GABRG3: variants seen among roughly 807,000 people sequenced by gnomAD.
GABRG3 encodes the protein gamma-aminobutyric acid type A receptor subunit gamma3.
GABRG3 carries 25 observed loss-of-function variants against 48.8 expected under a neutral mutation model. The observed-to-expected ratio is 0.51, with a 90% CI of 0.37 to 0.72. GABRG3 has a LOEUF of 0.72. GABRG3 is among the 30% of genes least tolerant of loss of function. GABRG3 has a pLI of 0.00. For missense variants in GABRG3, 394 were observed against 577.9 expected (o/e 0.68, Z 3.26); for synonymous variants, 227 against 217.6 (o/e 1.04, Z -0.38).
chr15:27,065,907 G>C (rs1003950103), intron 3 of GABRG3, among the ~76,000 whole-genome samples: 5 of 152,198 alleles, frequency 3.3e-5, no homozygotes, highest in African/African-American at 1.2e-4. Flanking sequence ...TCCAAACAGA[G>C]AAAATCCTGG....
intron 5 of GABRG3, among the ~76,000 whole-genome samples, chr15:27,449,860 A>G (rs1889056930): frequency 6.6e-6 from 1 of 152,228 alleles, no homozygotes; most frequent in African/African-American, 2.4e-5. Flanking sequence ...GTGTTCTCAA[A>G]TGCTTGCTGC....
chr15:27,501,930 A>G (rs930398269), intron 6 of GABRG3, among the ~76,000 whole-genome samples: 10 of 152,146 alleles, frequency 6.6e-5, no homozygotes, highest in African/African-American at 2.4e-4. Context: ...TTCCTTCCCC[A>G]TGAGTCTTGC....
chr15:27,366,060 A>G (rs1478495929), intron 5 of GABRG3: 2 of 152,198 alleles, frequency 1.3e-5, no homozygotes, highest in Non-Finnish European at 2.9e-5. Flanking sequence ...AAAACTTGCA[A>G]CATGAAGTGG....
intron 5 of GABRG3, chr15:27,362,391 G>A (rs1895054340): frequency 6.6e-6 from 1 of 152,292 alleles, no homozygotes; most frequent in Admixed American, 6.5e-5. Context: ...AGATTTGTCT[G>A]GGAGGTTCAG....
At chr15:27,023,139 T>C (rs1895926974) in intron 2 of GABRG3, among the ~76,000 whole-genome samples, 1 of 152,218 alleles carries the variant, frequency 6.6e-6, no homozygotes, top group Non-Finnish European at 1.5e-5. Context: ...ACCGAATGTA[T>C]GGGACTCAGT....
intron 5 of GABRG3, among the ~76,000 whole-genome samples, chr15:27,330,853 G>A (rs767735488): frequency 2.0e-5 from 3 of 152,134 alleles, no homozygotes; most frequent in Admixed American, 1.3e-4. Context: ...CTGGTGTGTC[G>A]TGGTAGTGAT....
intron 6 of GABRG3, among the ~76,000 whole-genome samples, chr15:27,500,914 C>T (rs186400149): frequency 1.7e-3 from 257 of 148,370 alleles, no homozygotes; most frequent in African/African-American, 5.2e-3. Context: ...TAGATTTAGC[C>T]TGGGGAGGCT....
intron 5 of GABRG3, among the ~76,000 whole-genome samples, chr15:27,416,617 C>T (rs899338511): frequency 3.9e-5 from 6 of 152,106 alleles, no homozygotes; most frequent in Non-Finnish European, 7.3e-5. Flanking sequence ...CGGTTGAGTC[C>T]CCCTGGAGTT....
At chr15:27,446,864 G>C (rs1280590011) in intron 5 of GABRG3, among the ~76,000 whole-genome samples, 1 of 152,060 alleles carries the variant, frequency 6.6e-6, no homozygotes, top group Non-Finnish European at 1.5e-5. Context: ...TAGAAATATG[G>C]CATTCTGTGA....
At chr15:27,520,893 T>A (rs372827635) in intron 7 of GABRG3, among the ~76,000 whole-genome samples, 3 of 148,388 alleles carry the variant, frequency 2.0e-5, no homozygotes, top group African/African-American at 7.5e-5. Flanking sequence ...GTTTTTTTTT[T>A]ATTTGTTTGT....
chr15:27,214,654 C>T (rs1889182874), intron 3 of GABRG3, among the ~76,000 whole-genome samples: 1 of 151,268 alleles, frequency 6.6e-6, no homozygotes, highest in Non-Finnish European at 1.5e-5. Context: ...AATTTCTAAA[C>T]AAATTTAGCC....
intron 3 of GABRG3, among the ~76,000 whole-genome samples, chr15:27,268,147 C>T (rs1379355064): frequency 1.3e-5 from 2 of 152,138 alleles, no homozygotes; most frequent in Admixed American, 6.5e-5. Flanking sequence ...AGTACATTCA[C>T]TAGTGAAGTC....
chr15:27,365,571 G>T (rs925203935), intron 5 of GABRG3: 1 of 152,188 alleles, frequency 6.6e-6, no homozygotes, highest in African/African-American at 2.4e-5. Context: ...CACCCCAGAG[G>T]AGAGGTTGGC....
At chr15:27,323,711 A>G (rs1359977793) in intron 3 of GABRG3, among the ~76,000 whole-genome samples, 1 of 151,996 alleles carries the variant, frequency 6.6e-6, no homozygotes, top group Non-Finnish European at 1.5e-5. Flanking sequence ...TCTACACCTC[A>G]CTGAGGTCTT....
At chr15:27,004,231 T>A (rs56131971) in intron 2 of GABRG3, among the ~76,000 whole-genome samples, 3 of 148,006 alleles carry the variant, frequency 2.0e-5, no homozygotes, top group African/African-American at 7.5e-5. Context: ...ACTTCTCAGA[T>A]GGGGCAGTTG....
chr15:27,049,180 C>G (rs1029121592), intron 3 of GABRG3, among the ~76,000 whole-genome samples: 2 of 152,206 alleles, frequency 1.3e-5, no homozygotes, highest in Non-Finnish European at 1.5e-5. Context: ...ATGTGCGTAA[C>G]CGTTTTTGAT....
At chr15:27,023,689 A>T (rs1895937116) in intron 2 of GABRG3, among the ~76,000 whole-genome samples, 1 of 152,284 alleles carries the variant, frequency 6.6e-6, no homozygotes, top group Non-Finnish European at 1.5e-5. Flanking sequence ...TGTATACTAC[A>T]TTTTTTAAAT....
chr15:27,464,056 A>T (rs1213582575), intron 5 of GABRG3, among the ~76,000 whole-genome samples: 5 of 152,142 alleles, frequency 3.3e-5, no homozygotes, highest in Non-Finnish European at 4.4e-5. Flanking sequence ...CCGCATTTTC[A>T]TACTACTCCA....
rs77479239 is a variant in GABRG3, at chr15:27,323,692, C to T, written c.271-3117C>T. ...ACTTGCTGCTGCACCATCTATATGC[C>T]TGTCTCACTCTACACCTCACTGAGG... On this transcript the variant is annotated intron_variant, in intron 3 of 9. Coordinates refer to ENST00000615808, the MANE Select transcript of GABRG3 (RefSeq NM_033223.5). Among the ~76,000 whole-genome samples, 724 of 152,268 alleles carry T rather than the reference C, an allele frequency of 4.8e-3. 21 individuals are homozygous for T. The South Asian group carries it at 0.069, about 14-fold the overall frequency.
Sources: gnomAD v4.1 joint callset for allele counts (sites outside exome capture counted in the v4.1 genomes callset) on GRCh38, gnomAD v4.1.1 for gene constraint, MANE v1.5 for transcripts, NCBI Gene and HGNC (gene_info 2026-07-23, HGNC 2026-07-21) for gene names.